SKP2: variants seen among roughly 807,000 people sequenced by gnomAD.
The protein encoded by SKP2 is S-phase kinase associated protein 2.
A neutral mutation model predicts 51.8 loss-of-function variants in SKP2; 16 were observed. The ratio of observed to expected loss-of-function variants is 0.31; its 90% CI spans 0.21 to 0.47. The LOEUF is 0.47. SKP2 is among the 20% of genes least tolerant of loss of function. SKP2 has a pLI of 1.00. For missense variants in SKP2, 377 were observed against 505.3 expected (o/e 0.75, Z 2.43); for synonymous variants, 176 against 198.6 (o/e 0.89, Z 0.96).
chr5:36,183,745 G>T lies in SKP2; in HGVS notation c.*1714G>T. On this transcript the variant is annotated 3_prime_UTR_variant, in exon 10 of 10. Transcript: ENST00000274255. The stretch of plus-strand genomic sequence containing the variant: ...GTGCCTTTATCTGCTTAGACCTAAG[G>T]AAGATTTTAAAGTTGGGTTGCACAG... 6.9e-7 allele frequency: 1 copy of T among 1,451,606 alleles called. No individual in the cohort carries two copies. Among genetic ancestry groups the T allele is most frequent in the South Asian group, 1.7e-5 (1 of 58,274 alleles). The allele number at this position is 1,451,606 out of a possible 1,614,324, so 89.9% of individuals were successfully genotyped here.
chr5:36,189,687 A>G (rs1193974365), intron 6 of SKP2, among the ~76,000 whole-genome samples: 1 of 152,198 alleles, frequency 6.6e-6, no homozygotes, highest in African/African-American at 2.4e-5. Flanking sequence ...TTGAGAAGGC[A>G]TTCTGTCCAT....
At chr5:36,155,681 G>C (rs912761924) in intron 2 of SKP2, among the ~76,000 whole-genome samples, 2 of 152,088 alleles carry the variant, frequency 1.3e-5, no homozygotes, top group African/African-American at 4.8e-5. Context: ...CTGGAATGTA[G>C]CCCTAACAAT....
chr5:36,165,566 G>T (rs1241722750), intron 3 of SKP2, among the ~76,000 whole-genome samples: 1 of 152,016 alleles, frequency 6.6e-6, no homozygotes, highest in Non-Finnish European at 1.5e-5. Context: ...TTTCTGTCTG[G>T]GCAAGAAAGA....
chr5:36,154,750 A>G (rs1022349833), intron 2 of SKP2, among the ~76,000 whole-genome samples: 2 of 152,176 alleles, frequency 1.3e-5, no homozygotes, highest in African/African-American at 4.8e-5. Flanking sequence ...CATCTTGCCC[A>G]GGCTGGTCTC....
At chr5:36,170,210 A>T in intron 5 of SKP2, 134 bp from the exon 6 acceptor site, 1 of 499,922 alleles carries the variant, frequency 2.0e-6, no homozygotes, top group Non-Finnish European at 3.6e-6. Context: ...TGTCTGAGAG[A>T]TAGTGATATA....
rs747914797 is a variant in SKP2 at position 36,183,864 on chromosome 5, G to T, written c.*1833G>T. ...GATTAGTGACAAGAGCTGGGGTTAG[G>T]ATCCGGTTGGACTCTGACATCGGAT... On this transcript the variant is annotated 3_prime_UTR_variant, in exon 10 of 10. Transcript: ENST00000274255. The T allele has an allele frequency of 6.2e-7, 1 of 1,606,758 alleles. No homozygotes were observed.
At chr5:36,167,761 GGT>G (rs1745333817) in intron 4 of SKP2, among the ~76,000 whole-genome samples, 1 of 152,124 alleles carries the variant, frequency 6.6e-6, no homozygotes, top group Non-Finnish European at 1.5e-5. Flanking sequence ...GGGGACTACA[GGT>G]GTGCGCCACC....
At position 36,152,190 on chromosome 5, in the gene SKP2, A is replaced by G. The variant is rs545662433; in HGVS notation, c.-73A>G. The G allele has an allele frequency of 8.3e-5, 131 of 1,571,078 alleles. No individual in the cohort carries two copies. In the African/African-American group the frequency reaches 1.5e-3, roughly 18 times the overall value. ...AGCACGCTCGGAGCCGCCGCGCGCC[A>G]AAGCGGGAATCTGGGAGGCGAGCAG... On this transcript the variant is annotated 5_prime_UTR_variant, in exon 1 of 10. Coordinates refer to ENST00000274255, the MANE Select transcript of SKP2 (RefSeq NM_005983.4).
chr5:36,158,680 T>C (rs1018274639), intron 2 of SKP2, among the ~76,000 whole-genome samples: 2 of 152,232 alleles, frequency 1.3e-5, no homozygotes, highest in Non-Finnish European at 2.9e-5. Flanking sequence ...TCAAAATTTG[T>C]ACTTACAACA....
intron 2 of SKP2, among the ~76,000 whole-genome samples, chr5:36,154,346 T>G (rs1220664717): frequency 6.6e-6 from 1 of 152,000 alleles, no homozygotes; most frequent in Non-Finnish European, 1.5e-5. Flanking sequence ...AAATGTGACG[T>G]ATTTGTTCCA....
chr5:36,177,335 C>A, intron 9 of SKP2, 43 bp downstream of exon 9: 1 of 1,139,668 alleles, frequency 8.8e-7, no homozygotes, highest in African/African-American at 1.5e-5. Flanking sequence ...AGGCAGGAAA[C>A]AACAGAGATG....
At chr5:36,185,418 T>C (rs1745940210), downstream of SKP2, among the ~76,000 whole-genome samples, 1 of 152,226 alleles carries the variant, frequency 6.6e-6, no homozygotes, top group Non-Finnish European at 1.5e-5. Flanking sequence ...CCATCTTGAA[T>C]TAATATTTGT....
rs895539120 is a variant in SKP2, at chr5:36,152,111, A to G, written c.-152A>G. ...GCGGGCTGTAGAGCCTTGCGCGCGC[A>G]GTGGGGATGGAACGTTGCTAGGCTT... On this transcript the variant is annotated 5_prime_UTR_variant, in exon 1 of 10. Transcript: ENST00000274255. 3 of 735,924 alleles carry G rather than the reference A, an allele frequency of 4.1e-6. No individual in the cohort carries two copies. The highest frequency in any genetic ancestry group is 2.3e-5 in the Admixed American group (1 of 43,852). The allele number at this position is 735,924 out of a possible 1,614,324, so 45.6% of individuals were successfully genotyped here.
At chr5:36,170,888 A>G (rs182377232) in intron 6 of SKP2, among the ~76,000 whole-genome samples, 6 of 152,334 alleles carry the variant, frequency 3.9e-5, no homozygotes, top group Admixed American at 2.0e-4. Flanking sequence ...TAAAGGGTAC[A>G]GAGTTACAGA....
At chr5:36,155,690 A>G (rs1159488168) in intron 2 of SKP2, among the ~76,000 whole-genome samples, 2 of 152,216 alleles carry the variant, frequency 1.3e-5, no homozygotes, top group East Asian at 3.9e-4. Flanking sequence ...AGCCCTAACA[A>G]TCTGGTGCTT....
intron 9 of SKP2, among the ~76,000 whole-genome samples, chr5:36,180,776 G>C (rs1003648558): frequency 2.6e-5 from 4 of 152,156 alleles, no homozygotes; most frequent in African/African-American, 9.6e-5. Flanking sequence ...AGGAAAGTTT[G>C]GGGCTTTTTA....
At chr5:36,153,988 G>T (rs571976125) in intron 2 of SKP2, among the ~76,000 whole-genome samples, 1 of 152,278 alleles carries the variant, frequency 6.6e-6, no homozygotes, top group African/African-American at 2.4e-5. Flanking sequence ...GTGCTAGGCC[G>T]TGTTCCAGGT....
Position 36,183,485 on chromosome 5 carries a change from T to G in SKP2, c.*1454T>G. ...GGTTTCACCATGTTAGCCAGGATGG[T>G]CTCAATCTCCTGACCTCATGATCCG... On this transcript the variant is annotated 3_prime_UTR_variant, in exon 10 of 10. Transcript: ENST00000274255. 2.3e-6 allele frequency: 1 copy of G among 438,258 alleles called. No homozygotes were observed. The highest frequency in any genetic ancestry group is 3.0e-6 in the Non-Finnish European group (1 of 329,850). The allele number at this position is 438,258 out of a possible 1,614,324, so 27.1% of individuals were successfully genotyped here. A position where few individuals can be genotyped will look rare whatever the true frequency, so the allele number is the denominator to read the frequency against.
rs748364739 is a variant in SKP2 at position 36,177,145 on chromosome 5, T to A, written c.954-40T>A. 2.9e-6 allele frequency: 4 copies of A among 1,377,060 alleles called. No individual in the cohort carries two copies. In the African/African-American group the frequency reaches 4.3e-5, roughly 15 times the overall value. The allele number at this position is 1,377,060 out of a possible 1,614,324, so 85.3% of individuals were successfully genotyped here. A position where few individuals can be genotyped will look rare whatever the true frequency, so the allele number is the denominator to read the frequency against. ...TTCTGTCTTCTTTATCTAGGATCAA[T>A]GTGTGATTTTCAATATCTTTTCTTC... On this transcript the variant is annotated intron_variant, in intron 8 of 9. Coordinates refer to ENST00000274255, the MANE Select transcript of SKP2 (RefSeq NM_005983.4).
Sources: gnomAD v4.1 joint callset for allele counts (sites outside exome capture counted in the v4.1 genomes callset) on GRCh38, gnomAD v4.1.1 for gene constraint, MANE v1.5 for transcripts, NCBI Gene and HGNC (gene_info 2026-07-23, HGNC 2026-07-21) for gene names.